The following HIVEP3 variants were observed in gnomAD, a reference collection of about 807,000 sequenced individuals.
HIVEP3 encodes the protein HIVEP zinc finger 3, also known as transcription factor HIVEP3.
A neutral mutation model predicts 152.8 loss-of-function variants in HIVEP3; 49 were observed. That is an observed-to-expected ratio of 0.32 (90% confidence interval 0.26 to 0.41). HIVEP3 has a LOEUF of 0.41. Among genes scored for constraint, HIVEP3 ranks in the 10% least tolerant of loss-of-function variants. HIVEP3 has a pLI of 1.00. For synonymous variants in HIVEP3, 1,269 were observed against 1,289.0 expected (o/e 0.98, Z 0.33); for missense variants, 2,790 against 3,103.3 (o/e 0.90, Z 2.40).
intron 5 of HIVEP3, 57 bp downstream of exon 5, chr1:41,575,487 T>A (rs1047715031): frequency 6.3e-7 from 1 of 1,579,554 alleles, no homozygotes; most frequent in African/African-American, 1.3e-5. Flanking sequence ...TGAACACCAA[T>A]GGGCACCAGC....
At chr1:41,522,262 G>A (rs1281300936) in intron 6 of HIVEP3, among the ~76,000 whole-genome samples, 1 of 152,228 alleles carries the variant, frequency 6.6e-6, no homozygotes, top group Non-Finnish European at 1.5e-5. Flanking sequence ...GAGCTCCAGC[G>A]CCCTGCTCTC....
chr1:41,692,125 C>T (rs889517034), intron 2 of HIVEP3, among the ~76,000 whole-genome samples: 57 of 152,094 alleles, frequency 3.7e-4, no homozygotes, highest in Non-Finnish European at 6.8e-4. Context: ...ATTACAGGCG[C>T]GAGCCACTGC....
Position 41,585,298 on chromosome 1 carries a change from AG to A in HIVEP3, c.-502del. 2.5e-6 allele frequency: 1 copy of A among 398,966 alleles called. No homozygotes were observed. The highest frequency in any genetic ancestry group is 4.4e-6 in the Non-Finnish European group (1 of 226,150). 24.7% of individuals were successfully genotyped at this position (398,966 alleles called of 1,614,324 possible). A position where few individuals can be genotyped will look rare whatever the true frequency, so the allele number is the denominator to read the frequency against. On this transcript the variant is annotated 5_prime_UTR_variant, in exon 4 of 9. The change abolishes the stop of an existing upstream ORF in the 5' untranslated region. Transcript: ENST00000372583. ...CTGGGTTGGAGATCAACGGCCTTGG[AG>A]GAGAAATCACGCTCTTCTTCTGTGT...
intron 3 of HIVEP3, among the ~76,000 whole-genome samples, chr1:41,624,340 T>C (rs1489137920): frequency 6.6e-6 from 1 of 152,194 alleles, no homozygotes; most frequent in East Asian, 1.9e-4. Context: ...AAAAGTACAG[T>C]TTGACTCCTA....
In HIVEP3 at chr1:41,579,952, G is replaced by A; in HGVS notation, c.4846C>T (p.His1616Tyr). The A allele has an allele frequency of 6.2e-7, 1 of 1,614,266 alleles. No homozygotes were observed. Among genetic ancestry groups the A allele is most frequent in the East Asian group, 2.2e-5 (1 of 44,892 alleles). ...GACCTCCTATCTGCATGCTGGATGT[G>A]ATTTGGCTTAATGTAGTTTAAATAG... ...WCYLNYIKPN[H>Y]IQHADRRSSV... The change falls in exon 4 of 9, where the codon CAC (histidine) becomes TAC (tyrosine). Residue 1616 changes from histidine to tyrosine, a missense_variant. His to Tyr is a moderately conservative substitution (Grantham distance 83). Around this residue, in one of 9 missense-constraint regions of HIVEP3, gnomAD observed 1,078 missense variants for 1,165.3 expected, o/e 0.93. Transcript: ENST00000372583.
At chr1:41,949,095 C>CTT (rs541887945) in intron 1 of HIVEP3, among the ~76,000 whole-genome samples, 50 of 152,154 alleles carry the variant, frequency 3.3e-4, no homozygotes, top group Non-Finnish European at 5.6e-4. Context: ...CACAAATAGT[C>CTT]TGTCTACCCA....
intron 5 of HIVEP3, among the ~76,000 whole-genome samples, chr1:41,554,923 G>A (rs1292475378): frequency 1.3e-5 from 2 of 152,194 alleles, no homozygotes; most frequent in Non-Finnish European, 2.9e-5. Context: ...ACTGGGAGGT[G>A]TCTCCCAGTT....
chr1:41,565,586 T>A (rs1397145647), intron 5 of HIVEP3, among the ~76,000 whole-genome samples: 1 of 151,816 alleles, frequency 6.6e-6, no homozygotes, highest in Non-Finnish European at 1.5e-5. Flanking sequence ...CGAGCACATA[T>A]GCCTCTGTTC....
intron 5 of HIVEP3, among the ~76,000 whole-genome samples, chr1:41,550,108 C>G (rs562690840): frequency 9.2e-5 from 14 of 152,248 alleles, no homozygotes; most frequent in African/African-American, 3.4e-4. Context: ...GCCAGTTTTC[C>G]CAGCACCATT....
chr1:41,876,649 A>G (rs1644175502), intron 1 of HIVEP3, among the ~76,000 whole-genome samples: 1 of 152,102 alleles, frequency 6.6e-6, no homozygotes, highest in Non-Finnish European at 1.5e-5. Context: ...TTCCCTTTAA[A>G]ATGTTATCTC....
At chr1:41,639,268 G>C (rs1016146787) in intron 2 of HIVEP3, among the ~76,000 whole-genome samples, 1 of 152,202 alleles carries the variant, frequency 6.6e-6, no homozygotes, top group Non-Finnish European at 1.5e-5. Context: ...CTGGCAAAGG[G>C]GTGGATGGGA....
At chr1:41,976,500 C>T (rs1645260122) in intron 1 of HIVEP3, among the ~76,000 whole-genome samples, 1 of 152,150 alleles carries the variant, frequency 6.6e-6, no homozygotes, top group Non-Finnish European at 1.5e-5. Flanking sequence ...GTGTGACAAC[C>T]CTTTCTTTGC....
chr1:41,960,212 A>G (rs1224799739), intron 1 of HIVEP3, among the ~76,000 whole-genome samples: 2 of 152,210 alleles, frequency 1.3e-5, no homozygotes, highest in Non-Finnish European at 2.9e-5. Flanking sequence ...AGGGTAGCAG[A>G]CAAGGAAGAT....
chr1:41,513,656 T>TGAGTCC lies in HIVEP3; in HGVS notation c.5559_5564dup (p.Ser1857_Asp1858dup). On this transcript the variant is annotated inframe_insertion, in exon 8 of 9. Coordinates refer to ENST00000372583, the MANE Select transcript of HIVEP3 (RefSeq NM_024503.5). ...CCTCGTCTTCGTCCAGGTCTGAGTCTGAGTCCGAGTCCTCCAGGTCCGAAA... is the reference window on the plus strand; with the variant it reads ...CCTCGTCTTCGTCCAGGTCTGAGTCTGAGTCCGAGTCCGAGTCCTCCAGGTCCGAAA... 6.2e-7 allele frequency: 1 copy of TGAGTCC among 1,613,700 alleles called. No individual in the cohort carries two copies. Among genetic ancestry groups the TGAGTCC allele is most frequent in the Non-Finnish European group, 8.5e-7 (1 of 1,179,918 alleles).
chr1:41,737,546 T>C (rs1273526122), intron 1 of HIVEP3, among the ~76,000 whole-genome samples: 1 of 152,218 alleles, frequency 6.6e-6, no homozygotes, highest in East Asian at 1.9e-4. Context: ...TTGAATCATC[T>C]GTTGTCCCAC....
At chr1:41,719,668 C>T (rs1046974941) in intron 1 of HIVEP3, among the ~76,000 whole-genome samples, 7 of 152,158 alleles carry the variant, frequency 4.6e-5, no homozygotes, top group African/African-American at 1.2e-4. Context: ...TTGAGATGTC[C>T]GTCTTTCTGG....
At chr1:41,972,454 C>A (rs2124504907) in intron 1 of HIVEP3, among the ~76,000 whole-genome samples, 1 of 152,318 alleles carries the variant, frequency 6.6e-6, no homozygotes, top group South Asian at 2.1e-4. Context: ...CAAGGGTAGA[C>A]ATGGACAAGG....
intron 1 of HIVEP3, among the ~76,000 whole-genome samples, chr1:41,855,684 T>C (rs1379467028): frequency 6.6e-6 from 1 of 152,172 alleles, no homozygotes; most frequent in Non-Finnish European, 1.5e-5. Context: ...TACACAAAAA[T>C]CAGATATGGC....
intron 1 of HIVEP3, among the ~76,000 whole-genome samples, chr1:41,939,977 T>G (rs1228689147): frequency 1.3e-5 from 2 of 152,176 alleles, no homozygotes; most frequent in Non-Finnish European, 2.9e-5. Context: ...ATCACATTAT[T>G]GATTATTTTA....
Sources: allele counts gnomAD v4.1 joint callset (sites outside exome capture counted in the v4.1 genomes callset), GRCh38; gene constraint gnomAD v4.1.1; regional missense constraint gnomAD v4.1.1; transcripts MANE v1.5; gene names NCBI Gene and HGNC (gene_info 2026-07-23, HGNC 2026-07-21).